Variants in ALKBH8 observed in about 807,000 individuals in gnomAD.
ALKBH8 encodes the protein alkB homolog 8, tRNA methyltransferase.
Under a neutral mutation model 59.8 loss-of-function variants are expected in ALKBH8, and 36 were observed. The ratio of observed to expected loss-of-function variants is 0.60; its 90% CI spans 0.46 to 0.79. ALKBH8 has a LOEUF of 0.79. Ranked by LOEUF, ALKBH8 falls within the 30% of genes least tolerant of loss-of-function variation. The pLI is 0.00. For missense variants in ALKBH8, 768 were observed against 801.0 expected, an observed-to-expected ratio of 0.96 and a Z score of 0.50; for synonymous variants, 276 against 273.6, an observed-to-expected ratio of 1.01 and a Z score of -0.09.
At chr11:107,507,759 T>C (rs1273904140) in intron 11 of ALKBH8, among the ~76,000 whole-genome samples, 1 of 152,116 alleles carries the variant, frequency 6.6e-6, no homozygotes, top group African/African-American at 2.4e-5. Flanking sequence ...TGGATTAAAA[T>C]AGAGATATCC....
chr11:107,558,534 T>A (rs1864804578), intron 2 of ALKBH8, among the ~76,000 whole-genome samples: 1 of 152,262 alleles, frequency 6.6e-6, no homozygotes, highest in South Asian at 2.1e-4. Context: ...CACTACCCCA[T>A]CTAGGAATGG....
chr11:107,532,821 C>G (rs1190691980), intron 7 of ALKBH8, among the ~76,000 whole-genome samples: 2 of 152,160 alleles, frequency 1.3e-5, no homozygotes, highest in Non-Finnish European at 2.9e-5. Flanking sequence ...TTTAACCCCA[C>G]TCTGCTTCTC....
chr11:107,504,483 G>A lies in ALKBH8; in HGVS notation c.*175C>T. 2.6e-6 allele frequency: 2 copies of A among 778,910 alleles called. No homozygotes were observed. Among genetic ancestry groups the A allele is most frequent in the Non-Finnish European group, 4.3e-6 (2 of 460,226 alleles). 48.2% of individuals were successfully genotyped at this position (778,910 alleles called of 1,614,324 possible). On this transcript the variant is annotated 3_prime_UTR_variant, in exon 12 of 12. Coordinates refer to ENST00000428149, the MANE Select transcript of ALKBH8 (RefSeq NM_138775.3). ...AGCCAACACCACATCTGTGATGTCA[G>A]CCAACAGGAGACATTTGAATGTCTC...
At chr11:107,517,501 A>G (rs1220706406) in intron 10 of ALKBH8, among the ~76,000 whole-genome samples, 5 of 152,228 alleles carry the variant, frequency 3.3e-5, no homozygotes, top group Non-Finnish European at 5.9e-5. Flanking sequence ...AATAGCCAAG[A>G]TACAGAATCA....
intron 9 of ALKBH8, among the ~76,000 whole-genome samples, chr11:107,523,293 C>T (rs190085770): frequency 6.6e-6 from 1 of 152,214 alleles, no homozygotes; most frequent in Non-Finnish European, 1.5e-5. Context: ...AGAAGGAAAT[C>T]TTGCCATTTA....
intron 3 of ALKBH8, among the ~76,000 whole-genome samples, chr11:107,554,587 A>G (rs1168767978): frequency 6.6e-6 from 1 of 152,238 alleles, no homozygotes; most frequent in Non-Finnish European, 1.5e-5. Flanking sequence ...TTATTGTTAG[A>G]GATCTGATCA....
At chr11:107,557,133 G>A (rs1457966256) in intron 2 of ALKBH8, 130 bp from the exon 3 acceptor site, 1 of 657,740 alleles carries the variant, frequency 1.5e-6, no homozygotes, top group Non-Finnish European at 2.3e-6. Context: ...TGTAGTGGTT[G>A]TTTGGTTTGC....
At position 107,511,004 on chromosome 11, in the gene ALKBH8, G is replaced by A; in HGVS notation, c.1320C>T (p.Asp440=). The A allele has an allele frequency of 1.3e-6, 2 of 1,551,942 alleles. No homozygotes were observed. The highest frequency in any genetic ancestry group is 1.7e-6 in the Non-Finnish European group (2 of 1,146,978). ...IGCDRSQNLV[D]ICRERQFQAF... The stretch of plus-strand genomic sequence containing the variant: ...CCTGAAATTGCCTCTCTCTACAAAT[G>A]TCCACAAGGTTTTGGCTACGATCAC... Residue 440 remains aspartate, a synonymous_variant, in exon 11 of 12, where the codon GAC becomes GAT. Transcript: ENST00000428149.
At chr11:107,538,577 T>C (rs909120593) in intron 7 of ALKBH8, among the ~76,000 whole-genome samples, 2 of 152,208 alleles carry the variant, frequency 1.3e-5, no homozygotes, top group Admixed American at 1.3e-4. Flanking sequence ...GAGGATAATG[T>C]TCAGTCCTAA....
At chr11:107,510,137 C>T (rs957291889) in intron 11 of ALKBH8, among the ~76,000 whole-genome samples, 4 of 152,030 alleles carry the variant, frequency 2.6e-5, no homozygotes, top group Admixed American at 6.6e-5. Context: ...AGACTAAAGA[C>T]GCAGACAGTT....
intron 7 of ALKBH8, among the ~76,000 whole-genome samples, chr11:107,545,182 T>C (rs1317575508): frequency 6.6e-6 from 1 of 152,222 alleles, no homozygotes; most frequent in East Asian, 1.9e-4. Flanking sequence ...ATGAAGCCAG[T>C]ATGTCTGCGG....
intron 7 of ALKBH8, among the ~76,000 whole-genome samples, chr11:107,534,965 C>T (rs1303892251): frequency 3.3e-5 from 5 of 152,174 alleles, no homozygotes; most frequent in Admixed American, 3.3e-4. Context: ...CCTTTGCATC[C>T]TCATAGCTTA....
chr11:107,549,147 A>G (rs1864393787), intron 7 of ALKBH8, among the ~76,000 whole-genome samples: 2 of 152,192 alleles, frequency 1.3e-5, no homozygotes, highest in Non-Finnish European at 2.9e-5. Flanking sequence ...CACCGCACCC[A>G]GCCTAAAATT....
chr11:107,547,039 T>G (rs1331284428), intron 7 of ALKBH8, among the ~76,000 whole-genome samples: 1 of 152,188 alleles, frequency 6.6e-6, no homozygotes. Context: ...GTATTAAATA[T>G]AACGTCAATG....
rs563219022 is a variant in ALKBH8 at position 107,549,012 on chromosome 11, G to A, written c.771+741C>T. Among the ~76,000 whole-genome samples, 21 of 152,014 alleles carry A rather than the reference G, an allele frequency of 1.4e-4. No homozygotes were observed. The East Asian group carries it at 2.7e-3, about 20-fold the overall frequency. ...ACTACAGGCACATGCCACCATGCCC[G>A]GCTAATTTTTTTGTATTTTTAGTAG... On this transcript the variant is annotated intron_variant, in intron 7 of 11. Coordinates refer to ENST00000428149, the MANE Select transcript of ALKBH8 (RefSeq NM_138775.3).
Position 107,549,772 on chromosome 11 carries a change from G to T in ALKBH8, c.752C>A (p.Ser251Tyr). 4 of 1,550,014 alleles carry T rather than the reference G, an allele frequency of 2.6e-6. No individual in the cohort carries two copies. In the South Asian group the frequency reaches 4.8e-5, roughly 18 times the overall value. The change falls in exon 7 of 12, where the codon TCT becomes TAT. Residue 251 changes from serine to tyrosine, a missense_variant. Coordinates refer to ENST00000428149, the MANE Select transcript of ALKBH8 (RefSeq NM_138775.3). ...ATTTACCTCTGACCCCAAACTGAGA[G>T]AAACGATCTCATCCTCAAAAGCGGA... ...THSAFEDEIV[S>Y]LSLGSEIVMD...
At chr11:107,518,085 GAAAA>G (rs1178195009) in intron 10 of ALKBH8, among the ~76,000 whole-genome samples, 1 of 148,192 alleles carries the variant, frequency 6.7e-6, no homozygotes. Context: ...ATAAAATACA[GAAAA>G]AATACTGTAT....
rs572866727 is a variant in ALKBH8, at chr11:107,557,124, G to A, written c.130-121C>T. ...ATTAAGAAAAAAAAAGCATTTCCTT[G>A]TAGTGGTTGTTTGGTTTGCTAATTT... On this transcript the variant is annotated intron_variant, in intron 2 of 11. Transcript: ENST00000428149. The A allele has an allele frequency of 1.4e-5, 10 of 718,642 alleles. No individual in the cohort carries two copies. In the South Asian group the frequency reaches 1.7e-4, roughly 12 times the overall value. 44.5% of individuals were successfully genotyped at this position (718,642 alleles called of 1,614,324 possible).
intron 7 of ALKBH8, among the ~76,000 whole-genome samples, chr11:107,548,920 G>A (rs1158305172): frequency 1.3e-5 from 2 of 151,296 alleles, no homozygotes; most frequent in Non-Finnish European, 2.9e-5. Flanking sequence ...GCGCAATCTC[G>A]GCTCACTGCA....
Sources: allele counts gnomAD v4.1 joint callset (sites outside exome capture counted in the v4.1 genomes callset), GRCh38; gene constraint gnomAD v4.1.1; transcripts MANE v1.5; gene names NCBI Gene and HGNC (gene_info 2026-07-23, HGNC 2026-07-21).